The following CYP2F1 variants were observed in gnomAD, a reference collection of about 807,000 sequenced individuals.
CYP2F1 encodes cytochrome P450 2F1.
A neutral mutation model predicts 40.4 loss-of-function variants in CYP2F1; 33 were observed. The observed-to-expected ratio is 0.82, with a 90% CI of 0.62 to 1.09. CYP2F1 has a LOEUF of 1.09. CYP2F1 is among the 50% of genes least tolerant of loss of function. The pLI is 0.00. For missense variants in CYP2F1, 566 were observed against 655.7 expected (o/e 0.86, Z 1.49); for synonymous variants, 235 against 277.2 (o/e 0.85, Z 1.51).
chr19:41,122,360 A>G (rs2032268165), intron 6 of CYP2F1, among the ~76,000 whole-genome samples: 4 of 152,090 alleles, frequency 2.6e-5, no homozygotes, highest in Admixed American at 2.6e-4. Flanking sequence ...TGGAGGGGGC[A>G]GTTGCTCAGG....
At chr19:41,122,501 C>A (rs1464525811) in intron 6 of CYP2F1, among the ~76,000 whole-genome samples, 1 of 151,656 alleles carries the variant, frequency 6.6e-6, no homozygotes, top group East Asian at 1.9e-4. Context: ...TACACACACA[C>A]ATACATACAT....
At chr19:41,126,223 CAAGATTAGCCTG>C (rs2032541301) in intron 9 of CYP2F1, among the ~76,000 whole-genome samples, 10 of 151,816 alleles carry the variant, frequency 6.6e-5, no homozygotes, top group Admixed American at 6.6e-4. Context: ...GTCAGGAGTT[CAAGATTAGCCTG>C]ACCAACATGG....
intron 4 of CYP2F1, among the ~76,000 whole-genome samples, 191 bp downstream of exon 4, chr19:41,120,687 GC>G (rs1298809718): frequency 6.6e-6 from 1 of 152,036 alleles, no homozygotes; most frequent in Non-Finnish European, 1.5e-5. Flanking sequence ...TCACTATGTT[GC>G]CCAGGCCAGT....
intron 3 of CYP2F1, among the ~76,000 whole-genome samples, chr19:41,119,076 G>A (rs985793026): frequency 1.3e-5 from 2 of 152,156 alleles, no homozygotes; most frequent in Admixed American, 1.3e-4. Context: ...ACTTGGCCCA[G>A]CCTAGAAGGG....
Position 41,114,455 on chromosome 19 carries a change from C to G in CYP2F1, c.-49C>G, listed in dbSNP as rs2031667378. 6.6e-6 allele frequency: 1 copy of G among 152,288 alleles called. No homozygotes were observed. The highest frequency in any genetic ancestry group is 6.5e-5 in the Admixed American group (1 of 15,282). 9.4% of individuals were successfully genotyped at this position (152,288 alleles called of 1,614,324 possible). On this transcript the variant is annotated 5_prime_UTR_variant, in exon 1 of 10. Transcript: ENST00000331105. The stretch of plus-strand genomic sequence containing the variant: ...CCAAGCACACCCAGAGCTGCAGGCT[C>G]TAGCGCATCCCAGCCAGTGTCTCCT...
intron 9 of CYP2F1, among the ~76,000 whole-genome samples, chr19:41,126,863 G>A (rs1229972855): frequency 2.6e-5 from 4 of 152,196 alleles, no homozygotes; most frequent in Non-Finnish European, 2.9e-5. Flanking sequence ...GGGTGGCGCA[G>A]TTGAGGTGGT....
intron 4 of CYP2F1, 81 bp downstream of exon 4, chr19:41,120,577 G>A (rs1051201362): frequency 6.7e-7 from 1 of 1,491,284 alleles, no homozygotes; most frequent in Non-Finnish European, 9.2e-7. Flanking sequence ...GACCTCCTGG[G>A]CCCAAACCAT....
In CYP2F1 at chr19:41,121,543, T is replaced by C. The variant is rs768104902; in HGVS notation, c.570T>C (p.Tyr190=). The C allele has an allele frequency of 1.9e-6, 3 of 1,609,800 alleles. No individual in the cohort carries two copies. Among genetic ancestry groups the C allele is most frequent in the East Asian group, 2.2e-5 (1 of 44,678 alleles). ...TGCTCTTCGGCAGCCGCTTCGACTA[T>C]GATGATGAGCGTCTGCTCACCATTA... ...CSVLFGSRFD[Y]DDERLLTIIR... The change falls in exon 5 of 10, where the codon TAT becomes TAC. Residue 190 remains tyrosine, a synonymous_variant. Coordinates refer to ENST00000331105, the MANE Select transcript of CYP2F1 (RefSeq NM_000774.5).
intron 3 of CYP2F1, among the ~76,000 whole-genome samples, chr19:41,119,715 C>CTA (rs2032037543): frequency 4.9e-5 from 2 of 40,526 alleles, no homozygotes; most frequent in Non-Finnish European, 9.2e-5. Flanking sequence ...CTCTCTCTCT[C>CTA]TCTCTCTCTA....
At chr19:41,125,367 A>G (rs537258103) in intron 8 of CYP2F1, 126 bp from the exon 9 acceptor site, 3 of 601,538 alleles carry the variant, frequency 5.0e-6, no homozygotes, top group Non-Finnish European at 9.0e-6. Context: ...CCCCCGATTG[A>G]GTCCTATACC....
chr19:41,124,576 T>A (rs2032434583), intron 7 of CYP2F1, 143 bp from the exon 8 acceptor site: 3 of 739,592 alleles, frequency 4.1e-6, no homozygotes, highest in Non-Finnish European at 6.4e-6. Context: ...TCTAGCTAAT[T>A]CTCACGTGCG....
intron 3 of CYP2F1, among the ~76,000 whole-genome samples, chr19:41,119,951 A>C (rs988817887): frequency 8.6e-5 from 13 of 151,480 alleles, no homozygotes; most frequent in Admixed American, 3.3e-4. Context: ...AAAAAATAAT[A>C]ATCATCATCA....
chr19:41,119,818 G>C (rs771997612), intron 3 of CYP2F1, among the ~76,000 whole-genome samples: 1 of 141,260 alleles, frequency 7.1e-6, no homozygotes, highest in African/African-American at 2.7e-5. Flanking sequence ...GTGCACACCT[G>C]TAATCCCAGC....
At chr19:41,125,697 A>G (rs1458646918) in intron 9 of CYP2F1, 63 bp downstream of exon 9, 4 of 1,613,740 alleles carry the variant, frequency 2.5e-6, no homozygotes, top group Non-Finnish European at 3.4e-6. Context: ...CCCTAATTCC[A>G]CTTGCCAAAT....
At chr19:41,118,056 G>T (rs1036789926) in intron 3 of CYP2F1, among the ~76,000 whole-genome samples, 8 of 151,964 alleles carry the variant, frequency 5.3e-5, no homozygotes, top group Non-Finnish European at 1.2e-4. Flanking sequence ...CACCATGTTG[G>T]CCAGGCTGGT....
chr19:41,127,780 A>C (rs1448648809), intron 9 of CYP2F1, 121 bp from the exon 10 acceptor site: 2 of 720,140 alleles, frequency 2.8e-6, no homozygotes, highest in Admixed American at 5.5e-5. Flanking sequence ...TACATGGGTG[A>C]ATCTGTGACG....
chr19:41,120,508 T>G lies in CYP2F1; in HGVS notation c.484+12T>G. ...GCGGAAAACTGAAGGTCAGGAATTT[T>G]TTTTAACAGGCTGGATGGCACGATC... On this transcript the variant is annotated intron_variant, in intron 4 of 9. Coordinates refer to ENST00000331105, the MANE Select transcript of CYP2F1 (RefSeq NM_000774.5). The G allele has an allele frequency of 4.3e-6, 7 of 1,610,576 alleles. No homozygotes were observed. Among genetic ancestry groups the G allele is most frequent in the Non-Finnish European group, 5.1e-6 (6 of 1,178,946 alleles).
intron 1 of CYP2F1, among the ~76,000 whole-genome samples, chr19:41,114,952 T>C (rs1432656910): frequency 2.0e-5 from 3 of 152,016 alleles, no homozygotes; most frequent in African/African-American, 7.2e-5. Flanking sequence ...GTGTTTTTAG[T>C]AGAGACAGGG....
intron 5 of CYP2F1, 115 bp from the exon 6 acceptor site, chr19:41,121,842 G>A (rs2032229473): frequency 9.8e-6 from 4 of 407,346 alleles, no homozygotes; most frequent in Non-Finnish European, 1.3e-5. Flanking sequence ...CCCCCACCCC[G>A]GACCTGGCTG....
Sources: allele counts gnomAD v4.1 joint callset (sites outside exome capture counted in the v4.1 genomes callset), GRCh38; gene constraint gnomAD v4.1.1; transcripts MANE v1.5; gene names NCBI Gene and HGNC (gene_info 2026-07-23, HGNC 2026-07-21).